Variants in PPM1E observed in about 807,000 individuals in gnomAD.
The protein encoded by PPM1E is protein phosphatase 1E.
In PPM1E, 20 loss-of-function variants were observed where a neutral mutation model predicts 65.9. The ratio of observed to expected loss-of-function variants is 0.30; its 90% CI spans 0.21 to 0.44. The LOEUF (loss-of-function observed/expected upper bound fraction) is 0.44, where lower values mean the gene tolerates loss of function less well. Ranked by LOEUF, PPM1E falls within the 20% of genes least tolerant of loss-of-function variation. The pLI is 1.00. For synonymous variants in PPM1E, 352 were observed against 374.9 expected, an observed-to-expected ratio of 0.94 and a Z score of 0.70; for missense variants, 713 against 953.1, an observed-to-expected ratio of 0.75 and a Z score of 3.32.
At chr17:58,815,461 C>A (rs981436799) in intron 1 of PPM1E, among the ~76,000 whole-genome samples, 2 of 152,172 alleles carry the variant, frequency 1.3e-5, no homozygotes, top group Non-Finnish European at 2.9e-5. Flanking sequence ...TTGCATCATT[C>A]TTGAAATATA....
At chr17:58,955,616 G>T in intron 1 of PPM1E, 33 bp from the exon 2 acceptor site, 1 of 1,608,344 alleles carries the variant, frequency 6.2e-7, no homozygotes. Flanking sequence ...TAATTCTTTT[G>T]CTGAAAATGG....
intron 1 of PPM1E, among the ~76,000 whole-genome samples, chr17:58,870,910 G>A (rs2051062018): frequency 6.6e-6 from 1 of 152,150 alleles, no homozygotes; most frequent in Admixed American, 6.5e-5. Flanking sequence ...GATTAAGTGT[G>A]CCGCCTGTGG....
At chr17:58,858,053 T>C (rs1159214913) in intron 1 of PPM1E, among the ~76,000 whole-genome samples, 1 of 152,182 alleles carries the variant, frequency 6.6e-6, no homozygotes, top group African/African-American at 2.4e-5. Context: ...AAAAACGTCA[T>C]TGTTACCAAA....
At chr17:58,894,856 C>T (rs2051393330) in intron 1 of PPM1E, among the ~76,000 whole-genome samples, 1 of 152,048 alleles carries the variant, frequency 6.6e-6, no homozygotes, top group African/African-American at 2.4e-5. Flanking sequence ...TCATTCATTT[C>T]AACTGTTCTG....
At chr17:58,798,230 G>T (rs368060714) in intron 1 of PPM1E, among the ~76,000 whole-genome samples, 134 of 129,994 alleles carry the variant, frequency 1.0e-3, no homozygotes, top group East Asian at 5.2e-3. Flanking sequence ...TTTTTTGTTT[G>T]TTTTTTTTTT....
At chr17:58,846,110 A>C (rs1013071314) in intron 1 of PPM1E, among the ~76,000 whole-genome samples, 1 of 152,166 alleles carries the variant, frequency 6.6e-6, no homozygotes, top group African/African-American at 2.4e-5. Flanking sequence ...TAATGCTGCT[A>C]TGATTACAAA....
At chr17:58,928,854 C>T (rs562052821) in intron 1 of PPM1E, among the ~76,000 whole-genome samples, 1 of 151,940 alleles carries the variant, frequency 6.6e-6, no homozygotes, top group Non-Finnish European at 1.5e-5. Context: ...AGGCGCCCAC[C>T]ACCACGCCCG....
At chr17:58,794,959 G>T (rs2050192298) in intron 1 of PPM1E, among the ~76,000 whole-genome samples, 1 of 150,190 alleles carries the variant, frequency 6.7e-6, no homozygotes, top group South Asian at 2.1e-4. Flanking sequence ...CATGATCTTG[G>T]CTCACTGCAA....
intron 6 of PPM1E, among the ~76,000 whole-genome samples, chr17:58,977,450 A>AG (rs1167620322): frequency 2.6e-5 from 4 of 152,024 alleles, no homozygotes; most frequent in African/African-American, 4.8e-5. Context: ...CAAAAAAAAA[A>AG]AAAAAAGAAA....
intron 1 of PPM1E, among the ~76,000 whole-genome samples, chr17:58,904,135 T>C (rs1012041704): frequency 6.6e-6 from 1 of 152,170 alleles, no homozygotes; most frequent in Admixed American, 6.5e-5. Context: ...AAATTTATAA[T>C]TATGACATAA....
intron 1 of PPM1E, among the ~76,000 whole-genome samples, chr17:58,794,979 C>G (rs538471012): frequency 6.6e-6 from 1 of 151,340 alleles, no homozygotes; most frequent in South Asian, 2.1e-4. Context: ...ACTTCCGCCT[C>G]CCGAGTTCAA....
intron 1 of PPM1E, among the ~76,000 whole-genome samples, chr17:58,926,457 T>C (rs1235135665): frequency 6.6e-6 from 1 of 152,186 alleles, no homozygotes; most frequent in African/African-American, 2.4e-5. Flanking sequence ...TATTTTTTAA[T>C]TTTTAATTAT....
intron 1 of PPM1E, among the ~76,000 whole-genome samples, chr17:58,814,472 G>C (rs1017248402): frequency 4.6e-5 from 7 of 152,176 alleles, no homozygotes; most frequent in Non-Finnish European, 8.8e-5. Context: ...TTAATGGAAG[G>C]CTCTGGATTT....
intron 1 of PPM1E, among the ~76,000 whole-genome samples, chr17:58,953,886 T>A (rs1451925726): frequency 6.6e-6 from 1 of 152,142 alleles, no homozygotes; most frequent in East Asian, 1.9e-4. Flanking sequence ...CAGCTGGGAT[T>A]ACAGGCGTGT....
At chr17:58,845,114 C>A (rs1005731803) in intron 1 of PPM1E, among the ~76,000 whole-genome samples, 1 of 151,978 alleles carries the variant, frequency 6.6e-6, no homozygotes, top group African/African-American at 2.4e-5. Context: ...ATCACTTATG[C>A]GAAATGTGTG....
At chr17:58,966,312 T>C in intron 3 of PPM1E, 1 of 358,404 alleles carries the variant, frequency 2.8e-6, no homozygotes, top group Admixed American at 4.3e-5. Context: ...ACCAGGAGTT[T>C]GAGACCAGCC....
chr17:58,793,362 A>T lies in PPM1E; in HGVS notation c.464+36901A>T, dbSNP rs190607454. On this transcript the variant is annotated intron_variant, in intron 1 of 6. Transcript: ENST00000308249. ...TTGTAAAATATTTATTATTATTATTATTTTTTTTTTTGAGATGGAGTCTTG... is the reference window on the plus strand; with the variant it reads ...TTGTAAAATATTTATTATTATTATTTTTTTTTTTTTTGAGATGGAGTCTTG... 2.7e-3 allele frequency among the ~76,000 whole-genome samples: 403 copies of T among 149,484 alleles called. 2 individuals are homozygous for T. The highest frequency in any genetic ancestry group is 7.0e-3 in the Middle Eastern group (2 of 286).
chr17:58,860,729 A>G (rs1384622932), intron 1 of PPM1E, among the ~76,000 whole-genome samples: 1 of 152,222 alleles, frequency 6.6e-6, no homozygotes, highest in Non-Finnish European at 1.5e-5. Flanking sequence ...AGACCGCCTG[A>G]GGTCAGGAAT....
At chr17:58,778,755 G>C (rs1349798210) in intron 1 of PPM1E, among the ~76,000 whole-genome samples, 11 of 151,502 alleles carry the variant, frequency 7.3e-5, no homozygotes, top group African/African-American at 2.7e-4. Context: ...TTTACATAGC[G>C]TTTTGTTCTG....
Sources: gnomAD v4.1 joint callset for allele counts (sites outside exome capture counted in the v4.1 genomes callset) on GRCh38, gnomAD v4.1.1 for gene constraint, MANE v1.5 for transcripts, NCBI Gene and HGNC (gene_info 2026-07-23, HGNC 2026-07-21) for gene names.